The following GRIA1 variants were observed in gnomAD, a reference collection of about 807,000 sequenced individuals.
GRIA1 encodes the protein glutamate ionotropic receptor AMPA type subunit 1.
A neutral mutation model predicts 99.2 loss-of-function variants in GRIA1; 31 were observed. That is an observed-to-expected ratio of 0.31 (90% CI 0.23 to 0.42). The LOEUF (loss-of-function observed/expected upper bound fraction) is 0.42, where lower values mean the gene tolerates loss of function less well. GRIA1 is among the 10% of genes least tolerant of loss of function. GRIA1 has a pLI of 1.00. For missense variants in GRIA1, 782 were observed against 1,157.5 expected, an observed-to-expected ratio of 0.68 and a Z score of 4.71; for synonymous variants, 438 against 432.4, an observed-to-expected ratio of 1.01 and a Z score of -0.16.
At chr5:153,768,914 C>T (rs1452823631) in intron 12 of GRIA1, among the ~76,000 whole-genome samples, 4 of 152,144 alleles carry the variant, frequency 2.6e-5, no homozygotes, top group Non-Finnish European at 5.9e-5. Flanking sequence ...AATACATCTA[C>T]CCTTTGGGAA....
At chr5:153,804,757 A>G (rs1205381839) in intron 15 of GRIA1, among the ~76,000 whole-genome samples, 1 of 149,886 alleles carries the variant, frequency 6.7e-6, no homozygotes, top group Admixed American at 6.7e-5. Flanking sequence ...TTATTTATTT[A>G]TTTATTTATT....
At chr5:153,579,855 T>C (rs1762887668) in intron 2 of GRIA1, among the ~76,000 whole-genome samples, 1 of 150,224 alleles carries the variant, frequency 6.7e-6, no homozygotes. Context: ...ACCCCTCAGC[T>C]CCTGCGGGGC....
At position 153,688,357 on chromosome 5, in the gene GRIA1, T is replaced by C. The variant is rs188668436; in HGVS notation, c.1134+2028T>C. On this transcript the variant is annotated intron_variant, in intron 8 of 15. Coordinates refer to ENST00000285900, the MANE Select transcript of GRIA1 (RefSeq NM_000827.4). ...CTCAAAAACCCTTGAGAATGACATTTATCCAGAAATAGTCCAAGTCTGAGT... is the reference window on the plus strand; with the variant it reads ...CTCAAAAACCCTTGAGAATGACATTCATCCAGAAATAGTCCAAGTCTGAGT... 3.8e-3 allele frequency among the ~76,000 whole-genome samples: 580 copies of C among 152,358 alleles called. 7 individuals carry two copies. The highest frequency in any genetic ancestry group is 0.027 in the Middle Eastern group (8 of 294).
chr5:153,579,851 C>CA (rs2149373739), intron 2 of GRIA1, among the ~76,000 whole-genome samples: 1 of 151,820 alleles, frequency 6.6e-6, no homozygotes, highest in South Asian at 2.1e-4. Flanking sequence ...CAAGACCCCT[C>CA]AGCTCCTGCG....
At chr5:153,548,590 G>T (rs1759822787) in intron 2 of GRIA1, among the ~76,000 whole-genome samples, 1 of 152,140 alleles carries the variant, frequency 6.6e-6, no homozygotes, top group Non-Finnish European at 1.5e-5. Flanking sequence ...AGGACTGATG[G>T]TTTAGCCAGT....
rs1017550548 is a variant in GRIA1, at chr5:153,647,271, T to C, written c.460+104T>C. The C allele has an allele frequency of 5.2e-6, 7 of 1,336,470 alleles. No homozygotes were observed. In the South Asian group the frequency reaches 9.7e-5, roughly 19 times the overall value. 82.8% of individuals were successfully genotyped at this position (1,336,470 alleles called of 1,614,324 possible). The stretch of plus-strand genomic sequence containing the variant: ...TGCTTCCCTGAAAAATATGGGAAAA[T>C]TATCCAAAATGCTTTATTTCTGAGA... On this transcript the variant is annotated intron_variant, in intron 3 of 15. Coordinates refer to ENST00000285900, the MANE Select transcript of GRIA1 (RefSeq NM_000827.4).
intron 11 of GRIA1, among the ~76,000 whole-genome samples, chr5:153,711,130 G>T (rs1256267260): frequency 6.6e-6 from 1 of 152,146 alleles, no homozygotes; most frequent in Non-Finnish European, 1.5e-5. Flanking sequence ...AGAGGCCTGC[G>T]CAGGGCCCTG....
intron 2 of GRIA1, among the ~76,000 whole-genome samples, chr5:153,577,388 G>T (rs1344245432): frequency 6.6e-6 from 1 of 152,210 alleles, no homozygotes; most frequent in African/African-American, 2.4e-5. Context: ...GACCAAGATG[G>T]TATGTTGTAA....
At chr5:153,569,775 C>T (rs1290427384) in intron 2 of GRIA1, among the ~76,000 whole-genome samples, 1 of 152,188 alleles carries the variant, frequency 6.6e-6, no homozygotes, top group East Asian at 1.9e-4. Context: ...TAACTACTTA[C>T]AGCCTTTTCT....
intron 2 of GRIA1, chr5:153,525,474 T>C (rs896366538): frequency 6.6e-6 from 1 of 151,846 alleles, no homozygotes; most frequent in African/African-American, 2.4e-5. Flanking sequence ...CATAAATATA[T>C]ATACCTACTA....
At chr5:153,725,052 G>A (rs529903131) in intron 11 of GRIA1, among the ~76,000 whole-genome samples, 2 of 152,264 alleles carry the variant, frequency 1.3e-5, no homozygotes, top group Non-Finnish European at 2.9e-5. Context: ...GGATCTCTCG[G>A]CAGAAACTCT....
intron 2 of GRIA1, among the ~76,000 whole-genome samples, chr5:153,619,430 A>G (rs921875650): frequency 2.0e-5 from 3 of 152,080 alleles, no homozygotes; most frequent in Non-Finnish European, 4.4e-5. Context: ...CTGGGGAAAG[A>G]CCTCTTCTGT....
At chr5:153,688,078 AC>A (rs1220940852) in intron 8 of GRIA1, among the ~76,000 whole-genome samples, 2 of 152,104 alleles carry the variant, frequency 1.3e-5, no homozygotes, top group African/African-American at 4.8e-5. Flanking sequence ...CATATTCAAA[AC>A]CAGCAATGTT....
chr5:153,542,900 T>C (rs566586127), intron 2 of GRIA1, among the ~76,000 whole-genome samples: 3 of 152,316 alleles, frequency 2.0e-5, no homozygotes, highest in South Asian at 4.1e-4. Context: ...GAGTAAAGTA[T>C]AGTGATTAAG....
At chr5:153,761,870 A>G (rs1763206189) in intron 11 of GRIA1, among the ~76,000 whole-genome samples, 1 of 152,230 alleles carries the variant, frequency 6.6e-6, no homozygotes, top group Admixed American at 6.5e-5. Flanking sequence ...TTGCAACAAC[A>G]TGGATGGACC....
At chr5:153,747,780 G>A (rs545520542) in intron 11 of GRIA1, among the ~76,000 whole-genome samples, 1 of 152,244 alleles carries the variant, frequency 6.6e-6, no homozygotes, top group South Asian at 2.1e-4. Context: ...TTCCCAGTGG[G>A]GTGTAGCCTT....
chr5:153,547,635 C>A (rs1759726929), intron 2 of GRIA1, among the ~76,000 whole-genome samples: 1 of 152,142 alleles, frequency 6.6e-6, no homozygotes, highest in South Asian at 2.1e-4. Context: ...GATTTATAAT[C>A]AGTACTTTGG....
intron 2 of GRIA1, among the ~76,000 whole-genome samples, chr5:153,613,619 G>T (rs573116734): frequency 1.3e-5 from 2 of 151,254 alleles, no homozygotes; most frequent in South Asian, 2.1e-4. Flanking sequence ...CTATTAAGTT[G>T]GTGCAAAAGT....
rs773424757 is a variant in GRIA1 at position 153,493,913 on chromosome 5, T to A, written c.83-15T>A. On this transcript the variant is annotated splice_polypyrimidine_tract_variant and intron_variant, in intron 1 of 15. Coordinates refer to ENST00000285900, the MANE Select transcript of GRIA1 (RefSeq NM_000827.4). Reference sequence around the variant, plus strand: ...CTCTAGCCCATATACCATGTTGCATTTTCTTTTCTCATAGGGGGATTATTT... The same window carrying A: ...CTCTAGCCCATATACCATGTTGCATATTCTTTTCTCATAGGGGGATTATTT... The A allele has an allele frequency of 3.0e-5, 49 of 1,613,648 alleles. No individual in the cohort carries two copies. Among genetic ancestry groups the A allele is most frequent in the Admixed American group, 1.7e-5 (1 of 59,994 alleles).
Sources: allele counts gnomAD v4.1 joint callset (sites outside exome capture counted in the v4.1 genomes callset), GRCh38; gene constraint gnomAD v4.1.1; transcripts MANE v1.5; gene names NCBI Gene and HGNC (gene_info 2026-07-23, HGNC 2026-07-21).